Variants in OR2L13 observed in about 807,000 individuals in gnomAD.
OR2L13 encodes olfactory receptor family 2 subfamily L member 13.
In OR2L13, 14 loss-of-function variants were observed where a neutral mutation model predicts 15.3. That is an observed-to-expected ratio of 0.91 (90% confidence interval 0.60 to 1.43). The LOEUF (loss-of-function observed/expected upper bound fraction) is 1.43, where lower values mean the gene tolerates loss of function less well. Among genes scored for constraint, OR2L13 ranks in the 40% most tolerant of loss-of-function variants. The pLI, the probability that OR2L13 is intolerant of heterozygous loss-of-function variation, is 0.00. For synonymous variants in OR2L13, 152 were observed against 142.9 expected, an observed-to-expected ratio of 1.06 and a Z score of -0.45; for missense variants, 367 against 387.9, an observed-to-expected ratio of 0.95 and a Z score of 0.45.
At chr1:247,965,599 T>C in the OR2L13 span, 4 of 1,575,508 alleles carry the variant, frequency 2.5e-6, no homozygotes, top group Middle Eastern at 1.7e-4. Context: ...CATGTACATC[T>C]CCACCACAGT....
the OR2L13 span, among the ~76,000 whole-genome samples, chr1:247,944,395 T>G: frequency 6.6e-6 from 1 of 152,160 alleles, no homozygotes; most frequent in Non-Finnish European, 1.5e-5. Context: ...GCTGCTTTTA[T>G]CAATTCATCA....
the OR2L13 span, chr1:247,965,353 TC>T: frequency 6.3e-7 from 1 of 1,590,306 alleles, no homozygotes; most frequent in East Asian, 2.3e-5. Context: ...AGATGTCATC[TC>T]CTTTGATATT....
chr1:248,022,946 A>G, the OR2L13 span: 1 of 1,455,522 alleles, frequency 6.9e-7, no homozygotes, highest in Non-Finnish European at 9.3e-7. Flanking sequence ...AGTGTACAGC[A>G]GTGAAGAAAA....
the OR2L13 span, among the ~76,000 whole-genome samples, chr1:248,071,833 A>G: frequency 6.6e-6 from 1 of 150,420 alleles, no homozygotes; most frequent in African/African-American, 2.4e-5. Flanking sequence ...TACACCAATA[A>G]CAGACAAACA....
At chr1:248,097,531 T>C (rs1364106217) in intron 1 of OR2L13, among the ~76,000 whole-genome samples, 1 of 152,214 alleles carries the variant, frequency 6.6e-6, no homozygotes, top group Admixed American at 6.5e-5. Context: ...TTCTCTTCCA[T>C]TGCCTAACAA....
chr1:248,064,965 T>C, the OR2L13 span, among the ~76,000 whole-genome samples: 2 of 152,214 alleles, frequency 1.3e-5, no homozygotes, highest in African/African-American at 4.8e-5. Context: ...ACATAGTATC[T>C]GTACTCAGAG....
chr1:248,029,358 A>G, the OR2L13 span: 1 of 152,216 alleles, frequency 6.6e-6, no homozygotes, highest in Non-Finnish European at 1.5e-5. Flanking sequence ...AAGAAATATT[A>G]CTTTTCTCAG....
chr1:247,979,774 AT>A, the OR2L13 span, among the ~76,000 whole-genome samples: 1 of 152,022 alleles, frequency 6.6e-6, no homozygotes, highest in Non-Finnish European at 1.5e-5. Context: ...CTGTGTTCAT[AT>A]TTGGCCATCT....
At chr1:248,093,437 G>A (rs978263606), upstream of OR2L13, among the ~76,000 whole-genome samples, 1 of 152,112 alleles carries the variant, frequency 6.6e-6, no homozygotes, top group African/African-American at 2.4e-5. Flanking sequence ...TTTTACCTGG[G>A]TTTGAGTTTT....
the OR2L13 span, chr1:247,965,545 A>G: frequency 1.2e-6 from 2 of 1,610,156 alleles, no homozygotes; most frequent in Non-Finnish European, 8.5e-7. Context: ...CAGACTCCAC[A>G]CTCCAATGTA....
chr1:247,999,251 G>T, the OR2L13 span, among the ~76,000 whole-genome samples: 1 of 152,106 alleles, frequency 6.6e-6, no homozygotes, highest in African/African-American at 2.4e-5. Context: ...AACTTACCCA[G>T]TGAAGCAGAG....
chr1:248,044,274 G>A, the OR2L13 span, among the ~76,000 whole-genome samples: 1 of 152,104 alleles, frequency 6.6e-6, no homozygotes, highest in African/African-American at 2.4e-5. Flanking sequence ...ATCCAGACTG[G>A]CTTTCAGACA....
At chr1:247,947,364 ATGT>A in the OR2L13 span, among the ~76,000 whole-genome samples, 2 of 152,130 alleles carry the variant, frequency 1.3e-5, no homozygotes, top group Non-Finnish European at 2.9e-5. Context: ...TTCCTCGTAC[ATGT>A]TGTTATACTT....
the OR2L13 span, chr1:248,038,754 C>T: frequency 2.8e-5 from 46 of 1,614,146 alleles, no homozygotes; most frequent in Non-Finnish European, 3.8e-5. Flanking sequence ...AGTATATGCA[C>T]TCTGTATCCC....
At chr1:248,009,147 C>A in the OR2L13 span, among the ~76,000 whole-genome samples, 14 of 152,058 alleles carry the variant, frequency 9.2e-5, no homozygotes, top group African/African-American at 3.4e-4. Context: ...CAAACCCAAA[C>A]AAATTCAAAA....
At chr1:247,979,628 G>T in the OR2L13 span, among the ~76,000 whole-genome samples, 1 of 151,968 alleles carries the variant, frequency 6.6e-6, no homozygotes, top group Admixed American at 6.6e-5. Context: ...ACATATGTAT[G>T]CATGTGTCTT....
the OR2L13 span, among the ~76,000 whole-genome samples, chr1:248,033,480 A>G: frequency 6.6e-6 from 1 of 151,830 alleles, no homozygotes; most frequent in Non-Finnish European, 1.5e-5. Flanking sequence ...TCTGTCACAC[A>G]GGTTGGAATG....
chr1:248,072,880 C>T, the OR2L13 span, among the ~76,000 whole-genome samples: 3 of 152,176 alleles, frequency 2.0e-5, no homozygotes, highest in Non-Finnish European at 1.5e-5. Context: ...AAAAAATGCT[C>T]ACCATCACTG....
the OR2L13 span, among the ~76,000 whole-genome samples, chr1:248,055,637 G>A: frequency 4.6e-5 from 7 of 152,300 alleles, no homozygotes; most frequent in African/African-American, 1.7e-4. Context: ...TGTGCCTGTT[G>A]TTCCAGCTAC....
Sources: allele counts gnomAD v4.1 joint callset (sites outside exome capture counted in the v4.1 genomes callset), GRCh38; gene constraint gnomAD v4.1.1; transcripts MANE v1.5; gene names NCBI Gene and HGNC (gene_info 2026-07-23, HGNC 2026-07-21).